Variants in PLEKHM3 observed in about 807,000 individuals in gnomAD.
PLEKHM3 encodes pleckstrin homology domain containing M3.
Under a neutral mutation model 81.8 loss-of-function variants are expected in PLEKHM3, and 45 were observed. That is an observed-to-expected ratio of 0.55 (90% CI 0.43 to 0.71). The LOEUF is 0.71. PLEKHM3 is among the 30% of genes least tolerant of loss of function. The pLI, the probability that PLEKHM3 is intolerant of heterozygous loss-of-function variation, is 0.00. For missense variants in PLEKHM3, 788 were observed against 924.3 expected (o/e 0.85, Z 1.91); for synonymous variants, 352 against 356.4 (o/e 0.99, Z 0.14).
chr2:207,919,937 A>T (rs2105919433), intron 5 of PLEKHM3, among the ~76,000 whole-genome samples: 1 of 151,812 alleles, frequency 6.6e-6, no homozygotes, highest in Admixed American at 6.5e-5. Flanking sequence ...GGAAGCAATG[A>T]GAGTCTGTCA....
intron 6 of PLEKHM3, among the ~76,000 whole-genome samples, chr2:207,871,491 T>G (rs2092534076): frequency 6.6e-6 from 1 of 152,214 alleles, no homozygotes; most frequent in South Asian, 2.1e-4. Flanking sequence ...ATCACTCCTA[T>G]CAAATTACAT....
intron 2 of PLEKHM3, among the ~76,000 whole-genome samples, chr2:207,996,776 C>G (rs1471769183): frequency 3.3e-5 from 5 of 151,992 alleles, no homozygotes; most frequent in Non-Finnish European, 5.9e-5. Flanking sequence ...TTATGAGGCC[C>G]ATTTTATAAC....
rs568113616 is a variant in PLEKHM3 at position 208,004,591 on chromosome 2, G to A, written c.-318-2634C>T. Among the ~76,000 whole-genome samples the A allele has an allele frequency of 2.0e-3, 308 of 152,148 alleles. 1 individual carries two copies. Among genetic ancestry groups the A allele is most frequent in the Middle Eastern group, 3.4e-3 (1 of 294 alleles). On this transcript the variant is annotated intron_variant, in intron 1 of 7. Coordinates refer to ENST00000427836, the MANE Select transcript of PLEKHM3 (RefSeq NM_001080475.3). ...CACTGAGGCCCAAAGAAGGTAAGAGGCCCCACGAGCACTTTCATGCTCTTA... is the reference window on the plus strand; with the variant it reads ...CACTGAGGCCCAAAGAAGGTAAGAGACCCCACGAGCACTTTCATGCTCTTA...
At chr2:207,860,280 T>C (rs1460049107) in intron 7 of PLEKHM3, among the ~76,000 whole-genome samples, 1 of 151,692 alleles carries the variant, frequency 6.6e-6, no homozygotes, top group Admixed American at 6.6e-5. Context: ...TGTTTACAAA[T>C]AGTCTTTAGG....
At chr2:207,848,130 C>T (rs2105894966) in intron 7 of PLEKHM3, among the ~76,000 whole-genome samples, 1 of 152,314 alleles carries the variant, frequency 6.6e-6, no homozygotes, top group Admixed American at 6.5e-5. Flanking sequence ...CTCACAAAAA[C>T]AAAGGCCGAG....
Position 207,909,183 on chromosome 2 carries a change from A to G in PLEKHM3, c.1887-606T>C, listed in dbSNP as rs147982707. 6.6e-3 allele frequency among the ~76,000 whole-genome samples: 1,002 copies of G among 152,328 alleles called. 13 individuals carry two copies. The highest frequency in any genetic ancestry group is 0.03 in the South Asian group (145 of 4,828). ...TCTGTACAAATGAGAATAATGGGAC[A>G]AGATATTTTAAATTAGGACTCTTCA... On this transcript the variant is annotated intron_variant, in intron 5 of 7. Coordinates refer to ENST00000427836, the MANE Select transcript of PLEKHM3 (RefSeq NM_001080475.3).
At chr2:208,024,410 G>A (rs1693244299) in intron 1 of PLEKHM3, among the ~76,000 whole-genome samples, 1 of 152,026 alleles carries the variant, frequency 6.6e-6, no homozygotes. Flanking sequence ...TTTCTTCTAT[G>A]TATATCTATC....
intron 3 of PLEKHM3, among the ~76,000 whole-genome samples, chr2:207,961,531 T>C (rs1349189812): frequency 2.0e-5 from 3 of 152,246 alleles, no homozygotes; most frequent in Admixed American, 6.5e-5. Flanking sequence ...CGACATTTTT[T>C]TTCAGTTAAA....
intron 7 of PLEKHM3, among the ~76,000 whole-genome samples, chr2:207,846,792 T>C (rs2092385619): frequency 6.6e-6 from 1 of 152,104 alleles, no homozygotes; most frequent in East Asian, 1.9e-4. Flanking sequence ...AATGTGACTA[T>C]TTTTCTGGTT....
intron 3 of PLEKHM3, among the ~76,000 whole-genome samples, chr2:207,954,107 T>C (rs961803566): frequency 2.6e-5 from 4 of 152,136 alleles, no homozygotes; most frequent in East Asian, 1.9e-4. Flanking sequence ...GGATTGCTTG[T>C]GGCCAGGAGT....
intron 3 of PLEKHM3, among the ~76,000 whole-genome samples, chr2:207,949,202 T>C (rs930229386): frequency 1.8e-4 from 27 of 152,238 alleles, no homozygotes; most frequent in Non-Finnish European, 3.4e-4. Flanking sequence ...AATATCGCTG[T>C]TAAAATATGT....
intron 4 of PLEKHM3, among the ~76,000 whole-genome samples, chr2:207,931,567 TAAG>T (rs1327709203): frequency 2.0e-5 from 3 of 152,254 alleles, no homozygotes; most frequent in Non-Finnish European, 2.9e-5. Flanking sequence ...AAAAAGGAAT[TAAG>T]AAGACTGTTT....
chr2:207,958,676 G>C (rs557595185), intron 3 of PLEKHM3, among the ~76,000 whole-genome samples: 2 of 152,218 alleles, frequency 1.3e-5, no homozygotes, highest in East Asian at 3.9e-4. Flanking sequence ...TTGGGAGGCC[G>C]AGGTGGGCGG....
intron 4 of PLEKHM3, among the ~76,000 whole-genome samples, chr2:207,935,004 G>C (rs1161643951): frequency 6.6e-6 from 1 of 152,216 alleles, no homozygotes; most frequent in Non-Finnish European, 1.5e-5. Flanking sequence ...AGACGACATG[G>C]TATTATGGTG....
chr2:207,999,577 C>T (rs773308428), intron 2 of PLEKHM3, among the ~76,000 whole-genome samples: 3 of 152,054 alleles, frequency 2.0e-5, no homozygotes, highest in Non-Finnish European at 4.4e-5. Context: ...CATATTCCAG[C>T]CTGGGAGACA....
In PLEKHM3 at chr2:207,984,672, C is replaced by T. The variant is rs367670718; in HGVS notation, c.611-7086G>A. Among the ~76,000 whole-genome samples, 16 of 152,316 alleles carry T rather than the reference C, an allele frequency of 1.1e-4. No individual in the cohort carries two copies. The East Asian group carries it at 2.5e-3, about 24-fold the overall frequency. On this transcript the variant is annotated intron_variant, in intron 2 of 7. Transcript: ENST00000427836. ...CTGGGGTAACAGGCATGAGCCACTG[C>T]GCCTGGGCACATTTCTTTAATATAC...
intron 3 of PLEKHM3, among the ~76,000 whole-genome samples, chr2:207,953,852 C>T (rs1690418406): frequency 6.6e-6 from 1 of 151,872 alleles, no homozygotes; most frequent in Non-Finnish European, 1.5e-5. Flanking sequence ...AATAAAGTTC[C>T]ACTGCACAGA....
At chr2:207,982,272 C>T (rs1022758275) in intron 2 of PLEKHM3, among the ~76,000 whole-genome samples, 13 of 137,008 alleles carry the variant, frequency 9.5e-5, no homozygotes, top group African/African-American at 3.5e-4. Flanking sequence ...TCCCTCCTTC[C>T]TTTTCTTTCT....
intron 6 of PLEKHM3, among the ~76,000 whole-genome samples, chr2:207,889,547 A>C (rs960164904): frequency 2.0e-5 from 3 of 151,714 alleles, no homozygotes; most frequent in Non-Finnish European, 4.4e-5. Flanking sequence ...GCAAACCTAT[A>C]ATTTATGGAA....
Sources: gnomAD v4.1 joint callset for allele counts (sites outside exome capture counted in the v4.1 genomes callset) on GRCh38, gnomAD v4.1.1 for gene constraint, MANE v1.5 for transcripts, NCBI Gene and HGNC (gene_info 2026-07-23, HGNC 2026-07-21) for gene names.